Variants in MYBL1 observed in about 807,000 individuals in gnomAD.
The protein encoded by MYBL1 is MYB proto-oncogene like 1.
A neutral mutation model predicts 96.3 loss-of-function variants in MYBL1; 17 were observed. The ratio of observed to expected loss-of-function variants is 0.18; its 90% CI spans 0.12 to 0.26. The LOEUF (loss-of-function observed/expected upper bound fraction) is 0.26, where lower values mean the gene tolerates loss of function less well. Among genes scored for constraint, MYBL1 ranks in the 10% least tolerant of loss-of-function variants. The pLI is 1.00. For synonymous variants in MYBL1, 282 were observed against 292.7 expected (o/e 0.96, Z 0.37); for missense variants, 701 against 882.9 (o/e 0.79, Z 2.61).
intron 8 of MYBL1, among the ~76,000 whole-genome samples, chr8:66,587,038 A>AG (rs1226386562): frequency 6.6e-6 from 1 of 152,176 alleles, no homozygotes; most frequent in Non-Finnish European, 1.5e-5. Flanking sequence ...GAGGAGAAGA[A>AG]GGGGAGCCAA....
At chr8:66,601,902 C>T (rs1810088181) in intron 2 of MYBL1, 133 bp from the exon 3 acceptor site, 2 of 449,346 alleles carry the variant, frequency 4.5e-6, no homozygotes, top group African/African-American at 4.1e-5. Context: ...CACTATAATA[C>T]AAATTCTTCC....
At chr8:66,610,979 A>G (rs1308127160) in intron 1 of MYBL1, among the ~76,000 whole-genome samples, 1 of 152,192 alleles carries the variant, frequency 6.6e-6, no homozygotes, top group Non-Finnish European at 1.5e-5. Context: ...TGTCAAAAGT[A>G]CAATATTTAG....
chr8:66,567,682 A>C (rs1808559575), intron 12 of MYBL1, among the ~76,000 whole-genome samples: 1 of 152,206 alleles, frequency 6.6e-6, no homozygotes, highest in Non-Finnish European at 1.5e-5. Flanking sequence ...GAAAAAATTT[A>C]AAAATTATAT....
intron 1 of MYBL1, among the ~76,000 whole-genome samples, chr8:66,602,890 C>T (rs764851636): frequency 1.3e-4 from 19 of 150,934 alleles, no homozygotes; most frequent in Admixed American, 3.3e-4. Context: ...GGACTACGGG[C>T]GCCCACCACT....
Position 66,579,771 on chromosome 8 carries a change from T to C in MYBL1, c.1101+362A>G, listed in dbSNP as rs118186399. ...AAGTGTATTTTTGGGTTTAAAAATA[T>C]AATGTTTTCTGAGTATAGAACACAG... On this transcript the variant is annotated intron_variant, in intron 9 of 15. Coordinates refer to ENST00000522677, the MANE Select transcript of MYBL1 (RefSeq NM_001080416.4). Among the ~76,000 whole-genome samples, 58 of 152,214 alleles carry C rather than the reference T, an allele frequency of 3.8e-4. No homozygotes were observed. In the East Asian group the frequency reaches 0.011, roughly 28 times the overall value.
chr8:66,602,597 T>C (rs1718875475), intron 1 of MYBL1, 74 bp from the exon 2 acceptor site: 1 of 956,902 alleles, frequency 1.0e-6, no homozygotes, highest in Non-Finnish European at 1.6e-6. Flanking sequence ...AACTTGTGTG[T>C]GCAGGTATGA....
intron 6 of MYBL1, 107 bp from the exon 7 acceptor site, chr8:66,593,301 G>T: frequency 1.6e-6 from 1 of 609,768 alleles, no homozygotes; most frequent in Middle Eastern, 4.2e-4. Context: ...AAAAAACTTA[G>T]AAAGTACCTG....
At chr8:66,570,140 T>C (rs966491071) in intron 12 of MYBL1, among the ~76,000 whole-genome samples, 4 of 152,186 alleles carry the variant, frequency 2.6e-5, no homozygotes, top group African/African-American at 9.7e-5. Flanking sequence ...ATCATTGCCT[T>C]CCTTTTATCT....
rs1810112097 is a variant in MYBL1, at chr8:66,602,415, T to C, written c.126+3A>G. On this transcript the variant is annotated splice_donor_region_variant and intron_variant, in intron 2 of 15. Transcript: ENST00000522677. ...AAACTATGAAACCTTGTCAGATAAT[T>C]ACCTCGTCCCTTGTCCATTTTACTC... is the stretch of plus-strand genomic sequence containing the variant. 6.4e-7 allele frequency: 1 copy of C among 1,568,086 alleles called. No homozygotes were observed. The highest frequency in any genetic ancestry group is 1.4e-5 in the African/African-American group (1 of 72,800).
At chr8:66,588,955 G>A (rs921598050) in intron 8 of MYBL1, among the ~76,000 whole-genome samples, 40 of 152,168 alleles carry the variant, frequency 2.6e-4, no homozygotes, top group African/African-American at 9.2e-4. Flanking sequence ...GGGAGTTGGA[G>A]GTTGCAGTGA....
chr8:66,588,552 T>A (rs1809512269), intron 8 of MYBL1, among the ~76,000 whole-genome samples: 1 of 151,800 alleles, frequency 6.6e-6, no homozygotes, highest in Non-Finnish European at 1.5e-5. Flanking sequence ...AGTGTTGGGA[T>A]TACAGGCGTT....
At chr8:66,601,882 T>C (rs1391169382) in intron 2 of MYBL1, 113 bp from the exon 3 acceptor site, 3 of 488,632 alleles carry the variant, frequency 6.1e-6, no homozygotes, top group East Asian at 6.6e-5. Context: ...ATAGAATAAC[T>C]AAAGCCACCC....
intron 2 of MYBL1, 34 bp downstream of exon 2, chr8:66,602,384 T>C (rs766031237): frequency 3.4e-6 from 5 of 1,452,108 alleles, no homozygotes; most frequent in Non-Finnish European, 4.7e-6. Flanking sequence ...AATAAATACA[T>C]GTAAGAAACT....
chr8:66,597,313 T>C lies in MYBL1; in HGVS notation c.512+17A>G. On this transcript the variant is annotated intron_variant, in intron 5 of 15. Transcript: ENST00000522677. ...ATGTTTAAGTACAGAAAAATATATA[T>C]ACATTTATATAAGCACCTTCCTGGA... The C allele has an allele frequency of 6.6e-7, 1 of 1,504,760 alleles. No individual in the cohort carries two copies. The highest frequency in any genetic ancestry group is 9.0e-7 in the Non-Finnish European group (1 of 1,116,318). The allele number at this position is 1,504,760 out of a possible 1,614,324, so 93.2% of individuals were successfully genotyped here. A position where few individuals can be genotyped will look rare whatever the true frequency, so the allele number is the denominator to read the frequency against.
intron 1 of MYBL1, among the ~76,000 whole-genome samples, chr8:66,611,065 T>C (rs913610471): frequency 3.9e-5 from 6 of 152,272 alleles, no homozygotes; most frequent in African/African-American, 1.2e-4. Flanking sequence ...CCTTTCTTTG[T>C]CCATTATTAT....
intron 9 of MYBL1, among the ~76,000 whole-genome samples, chr8:66,579,127 G>A: frequency 6.6e-6 from 1 of 151,858 alleles, no homozygotes; most frequent in Non-Finnish European, 1.5e-5. Context: ...TATACCTAAT[G>A]CTAAATGACG....
intron 1 of MYBL1, among the ~76,000 whole-genome samples, chr8:66,606,724 C>T (rs1047608511): frequency 3.9e-5 from 6 of 152,102 alleles, no homozygotes; most frequent in South Asian, 2.1e-4. Context: ...GTCCAGTGTT[C>T]GCTCTCCCTG....
chr8:66,603,688 TGC>T (rs1239285856), intron 1 of MYBL1, among the ~76,000 whole-genome samples: 3 of 151,976 alleles, frequency 2.0e-5, no homozygotes, highest in Non-Finnish European at 2.9e-5. Context: ...GATGGGGTTT[TGC>T]TATGTTGCTC....
intron 10 of MYBL1, 39 bp downstream of exon 10, chr8:66,575,968 A>AT: frequency 6.4e-7 from 1 of 1,569,786 alleles, no homozygotes; most frequent in Admixed American, 1.8e-5. Flanking sequence ...AATGTAACTC[A>AT]TTGACATTTA....
Sources: gnomAD v4.1 joint callset for allele counts (sites outside exome capture counted in the v4.1 genomes callset) on GRCh38, gnomAD v4.1.1 for gene constraint, MANE v1.5 for transcripts, NCBI Gene and HGNC (gene_info 2026-07-23, HGNC 2026-07-21) for gene names.